MTERF4: variants seen among roughly 807,000 people sequenced by gnomAD.
MTERF4 encodes mitochondrial transcription termination factor 4.
A neutral mutation model predicts 22.5 loss-of-function variants in MTERF4; 17 were observed. That is an observed-to-expected ratio of 0.75 (90% confidence interval 0.52 to 1.13). The LOEUF (loss-of-function observed/expected upper bound fraction) is 1.13. Ranked by LOEUF, MTERF4 falls within the 50% of genes most tolerant of loss-of-function variation. The pLI is 0.00. For synonymous variants in MTERF4, 165 were observed against 175.3 expected (o/e 0.94, Z 0.47); for missense variants, 420 against 466.8 (o/e 0.90, Z 0.92).
the MTERF4 span, chr2:241,053,211 G>A: frequency 8.7e-6 from 14 of 1,609,314 alleles, no homozygotes; most frequent in South Asian, 9.9e-5. Flanking sequence ...TCAACGGCAC[G>A]CGGCTGGGCG....
chr2:241,091,531 T>TA (rs1173342459), downstream of MTERF4: 1 of 151,684 alleles, frequency 6.6e-6, no homozygotes, highest in African/African-American at 2.4e-5. The surrounding 1 kb of genome is among the most constrained non-coding windows in gnomAD (Gnocchi z 4.1). Flanking sequence ...GTCCTCTGGG[T>TA]GACAGAGGCC....
Position 241,095,860 on chromosome 2 carries a change from T to A in MTERF4, c.*138A>T, listed in dbSNP as rs180926341. On this transcript the variant is annotated 3_prime_UTR_variant, in exon 4 of 4. Coordinates refer to ENST00000391980, the MANE Select transcript of MTERF4 (RefSeq NM_182501.4). ...ATCTGTCTGCCTCTCAGGTGACTTA[T>A]AATTTTTTTCATCAAGAGACCAGTT... 5,566 of 1,472,242 alleles carry A rather than the reference T, an allele frequency of 3.8e-3. 12 individuals carry two copies. The highest frequency in any genetic ancestry group is 4.8e-3 in the South Asian group (342 of 71,802). The allele number at this position is 1,472,242 out of a possible 1,614,324, so 91.2% of individuals were successfully genotyped here.
chr2:241,090,093 C>G (rs937015258), downstream of MTERF4: 9 of 1,505,946 alleles, frequency 6.0e-6, no homozygotes, highest in African/African-American at 9.9e-5. Context: ...TTACTTTATA[C>G]ATTTTTAATT....
the MTERF4 span, among the ~76,000 whole-genome samples, chr2:241,061,582 A>T: frequency 1.3e-5 from 2 of 152,152 alleles, no homozygotes; most frequent in Admixed American, 1.3e-4. Context: ...ACACAGCAAC[A>T]TTTTTTGTAA....
At chr2:241,077,947 C>T (rs1010008227) in intron 4 of MTERF4, among the ~76,000 whole-genome samples, 2 of 152,136 alleles carry the variant, frequency 1.3e-5, no homozygotes, top group African/African-American at 2.4e-5. Context: ...CAATAGTTAC[C>T]GCATGACCCA....
chr2:241,078,395 A>AAG (rs1324835756), intron 4 of MTERF4, among the ~76,000 whole-genome samples: 2 of 149,190 alleles, frequency 1.3e-5, no homozygotes, highest in African/African-American at 5.1e-5. Flanking sequence ...AAAAAAAAAA[A>AAG]AAAGAAAGAA....
At chr2:241,051,745 C>G in the MTERF4 span, 2 of 1,488,660 alleles carry the variant, frequency 1.3e-6, no homozygotes, top group South Asian at 1.4e-5. The surrounding 1 kb of genome is among the most constrained non-coding windows in gnomAD (Gnocchi z 4.7). Context: ...TCCACACAGC[C>G]CGGCCACACC....
the MTERF4 span, among the ~76,000 whole-genome samples, chr2:241,064,387 G>C: frequency 6.6e-6 from 1 of 152,108 alleles, no homozygotes; most frequent in Admixed American, 6.5e-5. This position sits in a 1 kb window ranked among gnomAD's most constrained non-coding sequence, Gnocchi z 7.0. Context: ...ACACACCCAG[G>C]GGTGGGGCCT....
rs987627444 is a variant in MTERF4 at position 241,078,307 on chromosome 2, C to T, written n.480-2625G>A. The stretch of plus-strand genomic sequence containing the variant: ...CTGAGGCAGGAGAATCGCTTGAACC[C>T]GGGAGGTGGAGTTTGCAGTGAGGTG... On this transcript the variant is annotated intron_variant and non_coding_transcript_variant, in intron 4 of 4. Transcript: ENST00000464344. Among the ~76,000 whole-genome samples, 9 of 150,122 alleles carry T rather than the reference C, an allele frequency of 6.0e-5. No homozygotes were observed. In the East Asian group the frequency reaches 1.8e-3, roughly 29 times the overall value.
chr2:241,083,604 G>A (rs1218413821), downstream of MTERF4, among the ~76,000 whole-genome samples: 7 of 152,116 alleles, frequency 4.6e-5, no homozygotes, highest in African/African-American at 7.2e-5. Flanking sequence ...CACTGAATTC[G>A]GATTCTATGC....
At chr2:241,069,156 T>C, downstream of MTERF4, 2 of 631,916 alleles carry the variant, frequency 3.2e-6, no homozygotes, top group Non-Finnish European at 2.7e-6. The surrounding 1 kb of genome is among the most constrained non-coding windows in gnomAD (Gnocchi z 4.9). Context: ...CCCAGATGTC[T>C]CTTCCGCTGG....
At chr2:241,056,726 G>A in the MTERF4 span, among the ~76,000 whole-genome samples, 26 of 151,712 alleles carry the variant, frequency 1.7e-4, no homozygotes, top group African/African-American at 5.8e-4. Flanking sequence ...GACTACAGGC[G>A]CCCATCACCA....
chr2:241,045,836 T>C, the MTERF4 span, among the ~76,000 whole-genome samples: 1 of 152,164 alleles, frequency 6.6e-6, no homozygotes, highest in African/African-American at 2.4e-5. Context: ...ACTTTTGCTT[T>C]GTGAAAGACA....
the MTERF4 span, chr2:241,053,099 G>T: frequency 6.5e-7 from 1 of 1,543,124 alleles, no homozygotes; most frequent in Non-Finnish European, 8.8e-7. Flanking sequence ...CAGGGCGGTG[G>T]GGAGGGGCCA....
chr2:241,044,913 C>A, the MTERF4 span, among the ~76,000 whole-genome samples: 1 of 152,262 alleles, frequency 6.6e-6, no homozygotes, highest in Non-Finnish European at 1.5e-5. Flanking sequence ...AAAAAGGTAG[C>A]CCCAGAAAAC....
downstream of MTERF4, chr2:241,067,915 T>C (rs199614046): frequency 9.1e-5 from 147 of 1,612,892 alleles, 1 homozygote; most frequent in African/African-American, 1.3e-3. Flanking sequence ...AGGCCACCGA[T>C]GTGGACAGGA....
the MTERF4 span, among the ~76,000 whole-genome samples, chr2:241,045,831 T>C: frequency 1.3e-5 from 2 of 152,202 alleles, no homozygotes; most frequent in Admixed American, 6.5e-5. Flanking sequence ...TTAAAACTTT[T>C]GCTTTGTGAA....
At chr2:241,071,862 A>C, downstream of MTERF4, 1 of 1,604,408 alleles carries the variant, frequency 6.2e-7, no homozygotes, top group South Asian at 1.1e-5. Context: ...CCAGCAAAGC[A>C]GCCACCGTGA....
downstream of MTERF4, among the ~76,000 whole-genome samples, chr2:241,084,120 T>G (rs1002587189): frequency 6.7e-6 from 1 of 149,184 alleles, no homozygotes; most frequent in Non-Finnish European, 1.5e-5. Flanking sequence ...TTCAATATGA[T>G]GGCAGCGTCT....
Sources: gnomAD v4.1 joint callset for allele counts (sites outside exome capture counted in the v4.1 genomes callset) on GRCh38, gnomAD v4.1.1 for gene constraint, Gnocchi (gnomAD v3.1) non-coding constraint, MANE v1.5 for transcripts, NCBI Gene and HGNC (gene_info 2026-07-23, HGNC 2026-07-21) for gene names.